Variants in KRR1 observed in about 807,000 individuals in gnomAD.
KRR1 encodes the protein KRR1 small subunit processome component homolog.
KRR1 carries 23 observed loss-of-function variants against 50.0 expected under a neutral mutation model. That is an observed-to-expected ratio of 0.46 (90% CI 0.33 to 0.65). The LOEUF is 0.65. KRR1 is among the 30% of genes least tolerant of loss of function. The probability of loss-of-function intolerance (pLI) is 0.02; values close to 1 mark genes in which losing one functional copy is unlikely to be tolerated. For synonymous variants in KRR1, 133 were observed against 146.3 expected (o/e 0.91, Z 0.66); for missense variants, 419 against 442.4 (o/e 0.95, Z 0.47).
Position 75,496,981 on chromosome 12 carries a change from A to ATC in KRR1, c.*2826_*2827dup, listed in dbSNP as rs1309451183. On this transcript the variant is annotated 3_prime_UTR_variant, in exon 10 of 10. Transcript: ENST00000229214. ...AACATGTAGCCACAATGCAGATAATATCAAGGTATCAATGTATTCACTGAA... is the reference window on the plus strand; with the variant it reads ...AACATGTAGCCACAATGCAGATAATATCTCAAGGTATCAATGTATTCACTGAA... The ATC allele has an allele frequency of 6.6e-6, 1 of 152,238 alleles. No homozygotes were observed. Among genetic ancestry groups the ATC allele is most frequent in the African/African-American group, 2.4e-5 (1 of 41,468 alleles). 9.4% of individuals were successfully genotyped at this position (152,238 alleles called of 1,614,324 possible). A position where few individuals can be genotyped will look rare whatever the true frequency, so the allele number is the denominator to read the frequency against.
intron 9 of KRR1, chr12:75,501,126 A>G (rs1220160853): frequency 6.6e-6 from 1 of 152,262 alleles, no homozygotes; most frequent in African/African-American, 2.4e-5. Flanking sequence ...CCACAGGGGA[A>G]AAAAATGCAG....
intron 6 of KRR1, 105 bp from the exon 7 acceptor site, chr12:75,504,179 C>A: frequency 1.4e-6 from 1 of 729,640 alleles, no homozygotes; most frequent in Admixed American, 3.4e-5. Flanking sequence ...AGAAACAGTT[C>A]CTAGTTTCTT....
intron 9 of KRR1, 48 bp from the exon 10 acceptor site, chr12:75,499,999 A>C: frequency 7.1e-7 from 1 of 1,412,904 alleles, no homozygotes; most frequent in Non-Finnish European, 9.6e-7. Flanking sequence ...GATTTTACCA[A>C]GTAAAACAAA....
rs2046374163 is a variant in KRR1 at position 75,499,378 on chromosome 12, C to T, written c.*431G>A. 6.2e-6 allele frequency: 1 copy of T among 161,320 alleles called. No individual in the cohort carries two copies. Among genetic ancestry groups the T allele is most frequent in the South Asian group, 2.0e-4 (1 of 5,096 alleles). 10.0% of individuals were successfully genotyped at this position (161,320 alleles called of 1,614,324 possible). A position where few individuals can be genotyped will look rare whatever the true frequency, so the allele number is the denominator to read the frequency against. On this transcript the variant is annotated 3_prime_UTR_variant, in exon 10 of 10. Transcript: ENST00000229214. ...TTTTCCCTGTCTTTTTGGTTTACTACTTCCCCAGATTCAGAACAGAGGAGT... is the reference window on the plus strand; with the variant it reads ...TTTTCCCTGTCTTTTTGGTTTACTATTTCCCCAGATTCAGAACAGAGGAGT...
intron 9 of KRR1, chr12:75,501,460 T>C (rs995030765): frequency 5.7e-6 from 2 of 351,454 alleles, no homozygotes; most frequent in Non-Finnish European, 1.0e-5. Context: ...CCTGGGTTTG[T>C]ATCTTTCACA....
chr12:75,504,463 G>A (rs956431399), intron 6 of KRR1, among the ~76,000 whole-genome samples: 6 of 152,062 alleles, frequency 3.9e-5, no homozygotes, highest in Non-Finnish European at 7.4e-5. Flanking sequence ...ACTTTCTCAC[G>A]ATTACAGAAA....
Position 75,499,963 on chromosome 12 carries a change from A to AAAAGC in KRR1, c.1004-17_1004-13dup. On this transcript the variant is annotated splice_polypyrimidine_tract_variant and intron_variant, in intron 9 of 9. Coordinates refer to ENST00000229214, the MANE Select transcript of KRR1 (RefSeq NM_007043.7). The stretch of plus-strand genomic sequence containing the variant: ...AGTTTCAGTAGAAGCTAGACAAATT[A>AAAAGC]AAAGCACAACACATGTAATACTTTA... 1 of 1,585,742 alleles carries AAAAGC rather than the reference A, an allele frequency of 6.3e-7. No individual in the cohort carries two copies. The highest frequency in any genetic ancestry group is 8.5e-7 in the Non-Finnish European group (1 of 1,170,302).
Position 75,502,005 on chromosome 12 carries a change from T to TTCTG in KRR1, c.832-6_832-5insCAGA, listed in dbSNP as rs2120601266. 1 of 1,604,280 alleles carries TTCTG rather than the reference T, an allele frequency of 6.2e-7. No homozygotes were observed. The highest frequency in any genetic ancestry group is 1.7e-5 in the Admixed American group (1 of 57,566). ...ACTAGCCAATTCTTTATCGATCTGT[T>TTCTG]GAAAACGGTATTTACAATTACATCA... On this transcript the variant is annotated splice_region_variant and splice_polypyrimidine_tract_variant and intron_variant, in intron 7 of 9. Transcript: ENST00000229214.
intron 1 of KRR1, among the ~76,000 whole-genome samples, chr12:75,509,178 T>C (rs2046435372): frequency 6.6e-6 from 1 of 152,210 alleles, no homozygotes; most frequent in Non-Finnish European, 1.5e-5. Context: ...ACTCTTGATC[T>C]TGAATTTGAA....
In KRR1 at chr12:75,491,527, C is replaced by A. The variant is rs1209099600; in HGVS notation, c.*8282G>T. On this transcript the variant is annotated 3_prime_UTR_variant, in exon 10 of 10. Coordinates refer to ENST00000229214, the MANE Select transcript of KRR1 (RefSeq NM_007043.7). ...TCCCTATAATTCCTTGAGATACTAGCACGTAAAGACTGTGACCATTTTTGT... is the reference window on the plus strand; with the variant it reads ...TCCCTATAATTCCTTGAGATACTAGAACGTAAAGACTGTGACCATTTTTGT... The A allele has an allele frequency of 1.3e-5, 2 of 152,206 alleles. No individual in the cohort carries two copies. The highest frequency in any genetic ancestry group is 2.9e-5 in the Non-Finnish European group (2 of 68,032). The allele number at this position is 152,206 out of a possible 1,614,324, so 9.4% of individuals were successfully genotyped here. A position where few individuals can be genotyped will look rare whatever the true frequency, so the allele number is the denominator to read the frequency against.
At chr12:75,509,285 A>G (rs1048029242) in intron 1 of KRR1, among the ~76,000 whole-genome samples, 2 of 152,224 alleles carry the variant, frequency 1.3e-5, no homozygotes, top group African/African-American at 4.8e-5. Flanking sequence ...AGTCTGTCAG[A>G]AATGCAATTA....
In KRR1 at chr12:75,499,099, G is replaced by A. The variant is rs1289980005; in HGVS notation, c.*710C>T. The A allele has an allele frequency of 1.8e-6, 1 of 547,974 alleles. No homozygotes were observed. The highest frequency in any genetic ancestry group is 3.1e-6 in the Non-Finnish European group (1 of 327,036). 33.9% of individuals were successfully genotyped at this position (547,974 alleles called of 1,614,324 possible). On this transcript the variant is annotated 3_prime_UTR_variant, in exon 10 of 10. Transcript: ENST00000229214. ...ATTTCAGAAAAAAATATATGTTATAGCAATACTCTTACTCAAAAGAAGAAA... is the reference window on the plus strand; with the variant it reads ...ATTTCAGAAAAAAATATATGTTATAACAATACTCTTACTCAAAAGAAGAAA...
At chr12:75,509,672 T>C (rs1216339516) in intron 1 of KRR1, among the ~76,000 whole-genome samples, 2 of 151,162 alleles carry the variant, frequency 1.3e-5, no homozygotes, top group African/African-American at 4.9e-5. Context: ...CACTGCAGCC[T>C]GGACCTCCTG....
At chr12:75,511,205 G>GC (rs2046446859) in intron 1 of KRR1, among the ~76,000 whole-genome samples, 1 of 152,090 alleles carries the variant, frequency 6.6e-6, no homozygotes, top group Non-Finnish European at 1.5e-5. Context: ...TCAGCCACCC[G>GC]CAGGCTTACA....
intron 5 of KRR1, among the ~76,000 whole-genome samples, chr12:75,505,503 G>A (rs2046418036): frequency 6.6e-6 from 1 of 151,960 alleles, no homozygotes; most frequent in Non-Finnish European, 1.5e-5. Flanking sequence ...ACACTCTAAA[G>A]CAATGTGATT....
intron 9 of KRR1, chr12:75,500,385 T>TAATC (rs1489145614): frequency 6.6e-6 from 1 of 152,134 alleles, no homozygotes; most frequent in African/African-American, 2.4e-5. Context: ...TCAATAAGTT[T>TAATC]AATCAGCTAA....
rs766960712 is a variant in KRR1 at position 75,501,817 on chromosome 12, C to CTACAT, written c.910-6_910-2dup. 6.3e-7 allele frequency: 1 copy of CTACAT among 1,596,612 alleles called. No homozygotes were observed. The highest frequency in any genetic ancestry group is 8.5e-7 in the Non-Finnish European group (1 of 1,171,812). ...TACTGATGGCTTCTGCTTGTTTAGCCTACATTAATAAATAAAAAATATATC... is the reference window on the plus strand; with the variant it reads ...TACTGATGGCTTCTGCTTGTTTAGCCTACATTACATTAATAAATAAAAAATATATC... On this transcript the variant is annotated splice_acceptor_variant, in intron 8 of 9. Transcript: ENST00000229214. LOFTEE classifies it high-confidence loss of function.
chr12:75,495,766 A>C lies in KRR1; in HGVS notation c.*4043T>G. On this transcript the variant is annotated 3_prime_UTR_variant, in exon 10 of 10. Transcript: ENST00000229214. ...TGTTTTATCTTAACGGCTATCTTCA[A>C]GGAAACTGGCATCAAGTAGCAATTA... The C allele has an allele frequency of 1.5e-6, 1 of 664,846 alleles. No homozygotes were observed. The highest frequency in any genetic ancestry group is 2.7e-6 in the Non-Finnish European group (1 of 375,316). The allele number at this position is 664,846 out of a possible 1,614,324, so 41.2% of individuals were successfully genotyped here.
At position 75,499,870 on chromosome 12, in the gene KRR1, G is replaced by GT. The variant is rs767019043; in HGVS notation, c.1084dup (p.Thr362AsnfsTer3). ...CATCTTAAGTGCAATTTCTTCAGCT[G>GT]TAAGAGCTCCCAGTTTCTTATTCTT... is the stretch of plus-strand genomic sequence containing the variant. On this transcript the variant is annotated frameshift_variant, in exon 10 of 10. Transcript: ENST00000229214. LOFTEE classifies it high-confidence loss of function. The GT allele has an allele frequency of 3.1e-6, 5 of 1,608,576 alleles. No individual in the cohort carries two copies. The South Asian group carries it at 5.5e-5, about 18-fold the overall frequency.
Sources: allele counts gnomAD v4.1 joint callset (sites outside exome capture counted in the v4.1 genomes callset), GRCh38; gene constraint gnomAD v4.1.1; transcripts MANE v1.5; gene names NCBI Gene and HGNC (gene_info 2026-07-23, HGNC 2026-07-21).